The following MTOR variants were observed in gnomAD, a reference collection of about 807,000 sequenced individuals.
The protein encoded by MTOR is serine/threonine-protein kinase mTOR.
In MTOR, 70 loss-of-function variants were observed where a neutral mutation model predicts 319.8. That is an observed-to-expected ratio of 0.22 (90% CI 0.18 to 0.27). The LOEUF (loss-of-function observed/expected upper bound fraction) is 0.27, where lower values mean the gene tolerates loss of function less well. MTOR is among the 10% of genes least tolerant of loss of function. The pLI is 1.00. For missense variants in MTOR, 1,890 were observed against 3,274.4 expected (o/e 0.58, Z 10.32); for synonymous variants, 1,183 against 1,211.4 (o/e 0.98, Z 0.49).
intron 28 of MTOR, among the ~76,000 whole-genome samples, chr1:11,182,420 T>A (rs1197487644): frequency 6.6e-6 from 1 of 152,230 alleles, no homozygotes; most frequent in Non-Finnish European, 1.5e-5. Flanking sequence ...CTACTTGATA[T>A]TTGCTAGACG....
intron 47 of MTOR, among the ~76,000 whole-genome samples, chr1:11,124,159 G>A (rs894171717): frequency 2.0e-5 from 3 of 151,798 alleles, no homozygotes; most frequent in Non-Finnish European, 4.4e-5. Context: ...TGAATTCCTG[G>A]GCTCAAGTGA....
intron 19 of MTOR, among the ~76,000 whole-genome samples, chr1:11,217,654 G>A (rs1298141497): frequency 1.3e-5 from 2 of 149,626 alleles, no homozygotes; most frequent in Non-Finnish European, 3.0e-5. Context: ...TTCATGATCC[G>A]CCCGCCTTGC....
rs1650815550 is a variant in MTOR, at chr1:11,259,338, C to T, written c.72G>A (p.Gln24=). 2 of 1,611,930 alleles carry T rather than the reference C, an allele frequency of 1.2e-6. No homozygotes were observed. Among genetic ancestry groups the T allele is most frequent in the East Asian group, 4.5e-5 (2 of 44,740 alleles). ...TTSSNVSVLQ[Q]FASGLKSRNE... ...TCCGGCTCTTTAGGCCACTGGCAAACTGCTGCAGGACGCTCACATTGCTAG... is the reference window on the plus strand; with the variant it reads ...TCCGGCTCTTTAGGCCACTGGCAAATTGCTGCAGGACGCTCACATTGCTAG... The change falls in exon 2 of 58, where the codon CAG becomes CAA. Residue 24 remains glutamine, a synonymous_variant. Coordinates refer to ENST00000361445, the MANE Select transcript of MTOR (RefSeq NM_004958.4).
At chr1:11,172,522 T>C (rs914071111) in intron 28 of MTOR, among the ~76,000 whole-genome samples, 10 of 132,274 alleles carry the variant, frequency 7.6e-5, no homozygotes, top group Non-Finnish European at 1.4e-4. Context: ...ATCACACCAC[T>C]GCATTCCAAC....
chr1:11,209,201 G>T, intron 25 of MTOR, 111 bp downstream of exon 25: 1 of 1,358,166 alleles, frequency 7.4e-7, no homozygotes, highest in Non-Finnish European at 1.0e-6. Context: ...TAGATTTCTG[G>T]AAAAAACACC....
Position 11,127,578 on chromosome 1 carries a change from G to C in MTOR, c.6216+46C>G, listed in dbSNP as rs2100405889. ...CTCATTTCATTTTTTTTTAGTGGCA[G>C]AATATTTCTACAGGGTTATGTCCTT... On this transcript the variant is annotated intron_variant, in intron 44 of 57. Coordinates refer to ENST00000361445, the MANE Select transcript of MTOR (RefSeq NM_004958.4). This position sits in a 1 kb window ranked among gnomAD's most constrained non-coding sequence, Gnocchi z 5.5. 7 of 1,531,192 alleles carry C rather than the reference G, an allele frequency of 4.6e-6. No individual in the cohort carries two copies. Among genetic ancestry groups the C allele is most frequent in the Non-Finnish European group, 6.1e-6 (7 of 1,139,900 alleles). 94.9% of individuals were successfully genotyped at this position (1,531,192 alleles called of 1,614,324 possible). A position where few individuals can be genotyped will look rare whatever the true frequency, so the allele number is the denominator to read the frequency against.
rs116617753 is a variant in MTOR at position 11,169,975 on chromosome 1, A to G, written c.4254-2458T>C. ...AGGAAGTCATCACTGCGAATTCCCA[A>G]TGTTTCCTGAGTAGAACTGTTCGAG... On this transcript the variant is annotated intron_variant, in intron 28 of 57. Transcript: ENST00000361445. 8.6e-3 allele frequency among the ~76,000 whole-genome samples: 1,304 copies of G among 152,300 alleles called. 13 individuals carry two copies. Among genetic ancestry groups the G allele is most frequent in the African/African-American group, 0.029 (1,214 of 41,540 alleles).
rs1024906136 is a variant in MTOR at position 11,213,575 on chromosome 1, A to G, written c.3118-9T>C. The stretch of plus-strand genomic sequence containing the variant: ...TTCATGACCCAGAATTCCTACAAAG[A>G]GAGAAAAGTCAGAGGAGCTGAGTCA... On this transcript the variant is annotated splice_polypyrimidine_tract_variant and intron_variant, in intron 20 of 57. Coordinates refer to ENST00000361445, the MANE Select transcript of MTOR (RefSeq NM_004958.4). The G allele has an allele frequency of 6.2e-6, 10 of 1,612,818 alleles. No homozygotes were observed. The highest frequency in any genetic ancestry group is 8.5e-6 in the Non-Finnish European group (10 of 1,179,408).
intron 49 of MTOR, among the ~76,000 whole-genome samples, chr1:11,118,673 C>T (rs1642328032): frequency 6.9e-6 from 1 of 144,254 alleles, no homozygotes; most frequent in Non-Finnish European, 1.5e-5. Context: ...GGCTGAGTTA[C>T]AGATTGTGCA....
At chr1:11,219,790 G>A (rs906236566) in intron 19 of MTOR, among the ~76,000 whole-genome samples, 1 of 152,052 alleles carries the variant, frequency 6.6e-6, no homozygotes, top group Non-Finnish European at 1.5e-5. Flanking sequence ...TTGGAAGGCT[G>A]AGGCGGGTGG....
intron 6 of MTOR, 64 bp downstream of exon 6, chr1:11,253,775 G>T: frequency 6.3e-7 from 1 of 1,592,058 alleles, no homozygotes. Context: ...CATGGATCTC[G>T]CCTTGCCTCG....
intron 33 of MTOR, 33 bp downstream of exon 33, chr1:11,144,935 A>G (rs2100508766): frequency 6.2e-7 from 1 of 1,609,654 alleles, no homozygotes; most frequent in East Asian, 2.2e-5. Flanking sequence ...ATAAGCCTCA[A>G]AAATGACAAT....
chr1:11,259,403 C>T lies in MTOR; in HGVS notation c.7G>A (p.Gly3Arg), dbSNP rs2100986770. The T allele has an allele frequency of 6.4e-7, 1 of 1,570,806 alleles. No individual in the cohort carries two copies. ML[G>R]TGPAAATTAA... ...GTGGTGGCGGCGGCAGGTCCGGTTCCAAGCATCTTGCCCTGAGGTTCTTTA... is the reference window on the plus strand; with the variant it reads ...GTGGTGGCGGCGGCAGGTCCGGTTCTAAGCATCTTGCCCTGAGGTTCTTTA... The change falls in exon 2 of 58, where the codon GGA becomes AGA. Residue 3 changes from glycine to arginine, a missense_variant. Around this residue, in one of 15 missense-constraint regions of MTOR, gnomAD observed 85 missense variants for 105.8 expected, o/e 0.80. Transcript: ENST00000361445.
At position 11,261,999 on chromosome 1, in the gene MTOR, G is replaced by A. The variant is rs767788146; in HGVS notation, c.-15+446C>T. ...AAACAGGGATGGGGCTGGGGGAGAG[G>A]GAGAGAAGATGTACCCCAACGATGT... On this transcript the variant is annotated intron_variant, in intron 1 of 57. Coordinates refer to ENST00000361445, the MANE Select transcript of MTOR (RefSeq NM_004958.4). 3.3e-5 allele frequency among the ~76,000 whole-genome samples: 5 copies of A among 152,178 alleles called. No homozygotes were observed. The East Asian group carries it at 9.6e-4, about 29-fold the overall frequency.
At chr1:11,224,353 A>T (rs1298918008) in intron 19 of MTOR, among the ~76,000 whole-genome samples, 1 of 152,188 alleles carries the variant, frequency 6.6e-6, no homozygotes, top group Admixed American at 6.5e-5. Flanking sequence ...CATAATGATA[A>T]AAGAGTCAAC....
chr1:11,219,441 G>A (rs924811649), intron 19 of MTOR, among the ~76,000 whole-genome samples: 6 of 152,106 alleles, frequency 3.9e-5, no homozygotes, highest in African/African-American at 4.8e-5. Context: ...CTAACTGTGT[G>A]GCCTGGGAAT....
intron 28 of MTOR, among the ~76,000 whole-genome samples, chr1:11,168,790 C>T (rs185426297): frequency 2.6e-5 from 4 of 152,310 alleles, no homozygotes; most frequent in Admixed American, 2.6e-4. Flanking sequence ...GCCTTGAAAA[C>T]AGAGTAGCCA....
chr1:11,140,287 G>T (rs928461206), intron 34 of MTOR, among the ~76,000 whole-genome samples: 1 of 130,056 alleles, frequency 7.7e-6, no homozygotes, highest in African/African-American at 2.8e-5. Flanking sequence ...CTAGTTTTGT[G>T]GAAGACAATT....
chr1:11,259,220 A>G, intron 2 of MTOR, 28 bp downstream of exon 2: 1 of 1,609,600 alleles, frequency 6.2e-7, no homozygotes, highest in Non-Finnish European at 8.5e-7. Context: ...CACATCCCAC[A>G]ATGACTGGCC....
Sources: gnomAD v4.1 joint callset for allele counts (sites outside exome capture counted in the v4.1 genomes callset) on GRCh38, gnomAD v4.1.1 for gene constraint, gnomAD v4.1.1 regional missense constraint, Gnocchi (gnomAD v3.1) non-coding constraint, MANE v1.5 for transcripts, NCBI Gene and HGNC (gene_info 2026-07-23, HGNC 2026-07-21) for gene names.